The following MAP4K4 variants were observed in gnomAD, a reference collection of about 807,000 sequenced individuals.
MAP4K4 encodes the protein HPK/GCK-like kinase HGK.
Under a neutral mutation model 189.6 loss-of-function variants are expected in MAP4K4, and 38 were observed. The observed-to-expected ratio is 0.20, with a 90% CI of 0.15 to 0.26. The LOEUF is 0.26. Ranked by LOEUF, MAP4K4 falls within the 10% of genes least tolerant of loss-of-function variation. MAP4K4 has a pLI of 1.00. For missense variants in MAP4K4, 1,054 were observed against 1,726.9 expected, an observed-to-expected ratio of 0.61 and a Z score of 6.91; for synonymous variants, 610 against 624.3, an observed-to-expected ratio of 0.98 and a Z score of 0.34.
intron 3 of MAP4K4, chr2:101,797,276 T>C: frequency 7.7e-7 from 1 of 1,290,808 alleles, no homozygotes; most frequent in Non-Finnish European, 1.0e-6. Flanking sequence ...GCTACAGGCC[T>C]TACAGCTTCG....
chr2:101,719,425 CT>C (rs2050389917), intron 2 of MAP4K4, among the ~76,000 whole-genome samples: 1 of 152,176 alleles, frequency 6.6e-6, no homozygotes, highest in Admixed American at 6.5e-5. Context: ...GGGACTGCCC[CT>C]AAGCCATGGC....
chr2:101,836,319 C>T lies in MAP4K4; in HGVS notation c.773+341C>T, dbSNP rs183961428. On this transcript the variant is annotated intron_variant, in intron 9 of 32. Coordinates refer to ENST00000324219, the Ensembl canonical transcript of MAP4K4. Reference sequence around the variant, plus strand: ...AAGAAAGCGACCGGGCGCGGTGGCTCGCACCTGTAATCCCAGCGTTTTGGG... The same window carrying T: ...AAGAAAGCGACCGGGCGCGGTGGCTTGCACCTGTAATCCCAGCGTTTTGGG... Among the ~76,000 whole-genome samples the T allele has an allele frequency of 5.9e-5, 9 of 152,266 alleles. No individual in the cohort carries two copies. The East Asian group carries it at 1.7e-3, about 29-fold the overall frequency.
chr2:101,745,972 TTGTGTGTGTGTGTGTGTG>T (rs5832985), intron 2 of MAP4K4, among the ~76,000 whole-genome samples: 4 of 146,496 alleles, frequency 2.7e-5, no homozygotes, highest in South Asian at 4.4e-4. Flanking sequence ...CCTGTTTCCT[TTGTGTGTGTGTGTGTGTG>T]TGTGTGTGTG....
At chr2:101,823,658 G>A (rs1267159792) in intron 3 of MAP4K4, among the ~76,000 whole-genome samples, 2 of 152,268 alleles carry the variant, frequency 1.3e-5, no homozygotes, top group East Asian at 1.9e-4. Flanking sequence ...ACAGTTAGTG[G>A]GAGAGCTGGC....
chr2:101,705,327 C>A (rs986469782), intron 2 of MAP4K4, among the ~76,000 whole-genome samples: 3 of 152,116 alleles, frequency 2.0e-5, no homozygotes, highest in African/African-American at 7.2e-5. Flanking sequence ...GGGATGGACA[C>A]AAAATGCCAG....
chr2:101,775,806 G>C (rs996680402), intron 2 of MAP4K4, among the ~76,000 whole-genome samples: 8 of 152,200 alleles, frequency 5.3e-5, no homozygotes, highest in Admixed American at 5.2e-4. Flanking sequence ...GCCCTGTTGG[G>C]ATGATAGCTT....
exon 31 of MAP4K4, chr2:101,887,810 C>A: frequency 1.2e-6 from 2 of 1,612,180 alleles, no homozygotes; most frequent in Non-Finnish European, 1.7e-6. Context: ...ATGCAATCAT[C>A]ATCCTCCCCA....
intron 2 of MAP4K4, among the ~76,000 whole-genome samples, chr2:101,724,944 C>T (rs1466608309): frequency 2.0e-5 from 3 of 151,522 alleles, no homozygotes; most frequent in African/African-American, 7.3e-5. Context: ...TGTGTAGATA[C>T]ACAAATTATA....
chr2:101,849,710 A>G lies in MAP4K4; in HGVS notation c.1233+5399A>G, dbSNP rs180684974. 1.3e-3 allele frequency among the ~76,000 whole-genome samples: 191 copies of G among 150,132 alleles called. 1 individual carries two copies. Among genetic ancestry groups the G allele is most frequent in the African/African-American group, 4.6e-3 (187 of 40,640 alleles). On this transcript the variant is annotated intron_variant, in intron 12 of 32. Coordinates refer to ENST00000324219, the Ensembl canonical transcript of MAP4K4. ...CATGACACTCACACATTTGGTTAGC[A>G]TGTTTTCTTTGTTCTTTGTCTAAGT...
At chr2:101,838,411 T>C (rs2096826119) in intron 9 of MAP4K4, among the ~76,000 whole-genome samples, 1 of 152,232 alleles carries the variant, frequency 6.6e-6, no homozygotes, top group African/African-American at 2.4e-5. Flanking sequence ...TTCAAGGACT[T>C]TTCTCTGAGC....
rs768829417 is a variant in MAP4K4, at chr2:101,873,643, G to A, written c.2953-4G>A. 23 of 1,496,680 alleles carry A rather than the reference G, an allele frequency of 1.5e-5. No individual in the cohort carries two copies. In the African/African-American group the frequency reaches 2.2e-4, roughly 14 times the overall value. 92.7% of individuals were successfully genotyped at this position (1,496,680 alleles called of 1,614,324 possible). ...TATTAATAACATTGAAATTTACATTGCAGACTCAGTCCGCTAGTAGCACAC... is the reference window on the plus strand; with the variant it reads ...TATTAATAACATTGAAATTTACATTACAGACTCAGTCCGCTAGTAGCACAC... On this transcript the variant is annotated splice_polypyrimidine_tract_variant and splice_region_variant and intron_variant, in intron 24 of 32. Coordinates refer to ENST00000324219, the Ensembl canonical transcript of MAP4K4.
At chr2:101,773,822 A>C (rs1032102502) in intron 2 of MAP4K4, among the ~76,000 whole-genome samples, 1 of 152,152 alleles carries the variant, frequency 6.6e-6, no homozygotes, top group African/African-American at 2.4e-5. Context: ...CCTAGAAGTA[A>C]ATGAACGTGC....
intron 19 of MAP4K4, 100 bp downstream of exon 19, chr2:101,866,679 T>C: frequency 7.1e-7 from 1 of 1,407,520 alleles, no homozygotes. Context: ...TAGCCACACG[T>C]CACAAAACAA....
chr2:101,777,624 T>C (rs2084960286), intron 2 of MAP4K4, among the ~76,000 whole-genome samples: 1 of 152,362 alleles, frequency 6.6e-6, no homozygotes, highest in East Asian at 1.9e-4. Context: ...GCATTCCGTT[T>C]CCTCAGTGCT....
At chr2:101,811,840 A>C (rs550916218) in intron 3 of MAP4K4, among the ~76,000 whole-genome samples, 1 of 152,290 alleles carries the variant, frequency 6.6e-6, no homozygotes, top group Admixed American at 6.5e-5. Context: ...TAAATTTGGC[A>C]GTTGGTATTG....
intron 2 of MAP4K4, among the ~76,000 whole-genome samples, chr2:101,723,398 T>G (rs1411790918): frequency 1.3e-5 from 2 of 152,240 alleles, no homozygotes; most frequent in African/African-American, 4.8e-5. Flanking sequence ...GATGCATATC[T>G]TACATGGTAA....
intron 2 of MAP4K4, among the ~76,000 whole-genome samples, chr2:101,760,402 T>C (rs1354517178): frequency 6.6e-6 from 1 of 151,050 alleles, no homozygotes; most frequent in African/African-American, 2.4e-5. Context: ...GGCAGGAGAA[T>C]TGCTTGAACC....
chr2:101,737,461 ATTTTTTTTTTTTT>A (rs1173208424), intron 2 of MAP4K4, among the ~76,000 whole-genome samples: 1 of 26,006 alleles, frequency 3.8e-5, no homozygotes, highest in African/African-American at 1.5e-4. Flanking sequence ...ATATATATAT[ATTTTTTTTTTTTT>A]TTTTTTTTTT....
Position 101,877,064 on chromosome 2 carries a change from G to A in MAP4K4, c.3303G>A (p.Gly1101=), listed in dbSNP as rs780166757. ...TGCTGCTGGACAGAAGTGGCCAAGG[G>A]AAGGTCTATCCTCTTATCAACCGAA... The change falls in exon 27 of 33, where the codon GGG becomes GGA. Residue 1101 remains glycine (G), a synonymous_variant. Coordinates refer to ENST00000324219, the Ensembl canonical transcript of MAP4K4. 1.9e-6 allele frequency: 3 copies of A among 1,613,998 alleles called. No homozygotes were observed. The South Asian group carries it at 3.3e-5, about 18-fold the overall frequency.
Sources: gnomAD v4.1 joint callset for allele counts (sites outside exome capture counted in the v4.1 genomes callset) on GRCh38, gnomAD v4.1.1 for gene constraint, MANE v1.5 for transcripts, NCBI Gene and HGNC (gene_info 2026-07-23, HGNC 2026-07-21) for gene names.